CRX: variants seen among roughly 807,000 people sequenced by gnomAD.
CRX encodes the protein cone-rod homeobox.
CRX carries 5 observed loss-of-function variants against 13.1 expected under a neutral mutation model. The ratio of observed to expected loss-of-function variants is 0.38; its 90% CI spans 0.20 to 0.80. The LOEUF (loss-of-function observed/expected upper bound fraction) is 0.80, where lower values mean the gene tolerates loss of function less well. CRX is among the 30% of genes least tolerant of loss of function. The pLI, the probability that CRX is intolerant of heterozygous loss-of-function variation, is 0.43. For missense variants in CRX, 351 were observed against 391.8 expected (o/e 0.90, Z 0.88); for synonymous variants, 179 against 171.1 (o/e 1.05, Z -0.36).
chr19:47,835,224 A>AT (rs1390120456), intron 2 of CRX, among the ~76,000 whole-genome samples: 74 of 118,506 alleles, frequency 6.2e-4, no homozygotes, highest in Non-Finnish European at 8.3e-4. Context: ...AAAAATTATT[A>AT]TTATTTTTTT....
chr19:47,835,301 G>T (rs1170616968), intron 2 of CRX, among the ~76,000 whole-genome samples: 4 of 151,356 alleles, frequency 2.6e-5, no homozygotes, highest in African/African-American at 4.9e-5. Context: ...CAAATAATCC[G>T]CCTGACTCAG....
intron 1 of CRX, among the ~76,000 whole-genome samples, chr19:47,833,416 G>T (rs11880426): frequency 0.013 from 1,927 of 151,870 alleles, 48 homozygotes; most frequent in African/African-American, 0.044. Flanking sequence ...CAAGTAGCTG[G>T]GATTACAGGC....
chr19:47,836,452 C>T, intron 3 of CRX, 58 bp downstream of exon 3: 3 of 1,607,274 alleles, frequency 1.9e-6, no homozygotes, highest in Non-Finnish European at 1.7e-6. Flanking sequence ...AGGAGGCCTG[C>T]CCGGAACAAA....
intron 1 of CRX, among the ~76,000 whole-genome samples, chr19:47,829,234 G>A (rs538803214): frequency 5.3e-5 from 8 of 152,094 alleles, no homozygotes; most frequent in African/African-American, 1.7e-4. Flanking sequence ...TCCTGCCTCC[G>A]CTTCCCAAGT....
At chr19:47,834,378 G>A in intron 1 of CRX, 31 bp from the exon 2 acceptor site, 2 of 1,220,952 alleles carry the variant, frequency 1.6e-6, no homozygotes, top group South Asian at 2.4e-5. Flanking sequence ...TAACTGGTAA[G>A]TGAGTGAGCA....
rs754333326 is a variant in CRX at position 47,840,201 on chromosome 19, G to C, written c.*234G>C. On this transcript the variant is annotated 3_prime_UTR_variant, in exon 4 of 4. Coordinates refer to ENST00000221996, the MANE Select transcript of CRX (RefSeq NM_000554.6). ...TAGTGATTCTCTCAACCCTAACACCGTCTGGCACGATTGTGACCGCTGAAG... is the reference window on the plus strand; with the variant it reads ...TAGTGATTCTCTCAACCCTAACACCCTCTGGCACGATTGTGACCGCTGAAG... 12 of 547,418 alleles carry C rather than the reference G, an allele frequency of 2.2e-5. No individual in the cohort carries two copies. The highest frequency in any genetic ancestry group is 3.0e-5 in the Non-Finnish European group (9 of 304,386). 33.9% of individuals were successfully genotyped at this position (547,418 alleles called of 1,614,324 possible). A position where few individuals can be genotyped will look rare whatever the true frequency, so the allele number is the denominator to read the frequency against.
At chr19:47,825,020 G>A (rs1251662313) in intron 1 of CRX, among the ~76,000 whole-genome samples, 3 of 130,644 alleles carry the variant, frequency 2.3e-5, no homozygotes, top group Admixed American at 8.7e-5. Flanking sequence ...GGATGGAGTC[G>A]TGCTCTGTCG....
chr19:47,827,040 C>T (rs11665715), intron 1 of CRX, among the ~76,000 whole-genome samples: 31,640 of 152,060 alleles, frequency 0.21, 3,430 homozygotes, highest in Admixed American at 0.22. Context: ...TTAGAGCTAG[C>T]CTTGGAAGCC....
rs1481802456 is a variant in CRX at position 47,839,794 on chromosome 19, G to A, written c.727G>A (p.Gly243Arg). ...TAGCCCCCTCTCTGGCCCCTCCGTGGGACCTTCCCTGGCCCAGTCCCCCAC... is the reference window on the plus strand; with the variant it reads ...TAGCCCCCTCTCTGGCCCCTCCGTGAGACCTTCCCTGGCCCAGTCCCCCAC... ...ALSPLSGPSV[G>R]PSLAQSPTSL... Residue 243 changes from glycine to arginine, a missense_variant, in exon 4 of 4, where the codon GGA (glycine) becomes AGA (arginine). Gly to Arg is a moderately radical substitution (Grantham distance 125). Around this residue, in one of 3 missense-constraint regions of CRX, gnomAD observed 253 missense variants for 268.3 expected, o/e 0.94. Coordinates refer to ENST00000221996, the MANE Select transcript of CRX (RefSeq NM_000554.6). The surrounding 1 kb of genome is among the most constrained non-coding windows in gnomAD (Gnocchi z 4.6). The A allele has an allele frequency of 6.2e-7, 1 of 1,614,052 alleles. No homozygotes were observed. Among genetic ancestry groups the A allele is most frequent in the Admixed American group, 1.7e-5 (1 of 60,004 alleles).
intron 1 of CRX, among the ~76,000 whole-genome samples, chr19:47,825,852 G>A (rs547761880): frequency 6.6e-6 from 1 of 152,162 alleles, no homozygotes; most frequent in Non-Finnish European, 1.5e-5. Context: ...AATCCGGGAG[G>A]TGGAGGTTGC....
intron 3 of CRX, 22 bp downstream of exon 3, chr19:47,836,416 C>T: frequency 6.2e-7 from 1 of 1,614,132 alleles, no homozygotes; most frequent in Non-Finnish European, 8.5e-7. Flanking sequence ...GGTCCCTGGA[C>T]CCCTCCCGAC....
chr19:47,822,339 A>G (rs1242104302), intron 1 of CRX, among the ~76,000 whole-genome samples: 1 of 152,144 alleles, frequency 6.6e-6, no homozygotes, highest in Non-Finnish European at 1.5e-5. Context: ...GTTCTAAGGC[A>G]ACTCCTCAGC....
chr19:47,840,270 G>A lies in CRX; in HGVS notation c.*303G>A, dbSNP rs1968178401. On this transcript the variant is annotated 3_prime_UTR_variant, in exon 4 of 4. Coordinates refer to ENST00000221996, the MANE Select transcript of CRX (RefSeq NM_000554.6). ...CTTCAGAAAGTGGTGCTGAGAACTTGCTCCAAGAAGAAGTCAAACCAAACT... is the reference window on the plus strand; with the variant it reads ...CTTCAGAAAGTGGTGCTGAGAACTTACTCCAAGAAGAAGTCAAACCAAACT... 2 of 384,844 alleles carry A rather than the reference G, an allele frequency of 5.2e-6. No homozygotes were observed. Among genetic ancestry groups the A allele is most frequent in the East Asian group, 5.0e-5 (1 of 20,138 alleles). 23.8% of individuals were successfully genotyped at this position (384,844 alleles called of 1,614,324 possible).
chr19:47,838,590 C>T (rs1201509585), intron 3 of CRX, among the ~76,000 whole-genome samples: 3 of 151,992 alleles, frequency 2.0e-5, no homozygotes, highest in Non-Finnish European at 4.4e-5. Context: ...CATGTATGAT[C>T]AGATGAGCCA....
intron 1 of CRX, among the ~76,000 whole-genome samples, chr19:47,826,662 A>G (rs2123731085): frequency 6.6e-6 from 1 of 152,316 alleles, no homozygotes; most frequent in East Asian, 1.9e-4. Flanking sequence ...TCTACCTCCC[A>G]AGGTTGTGCT....
intron 1 of CRX, among the ~76,000 whole-genome samples, chr19:47,826,126 G>T (rs1292570675): frequency 6.6e-6 from 1 of 152,138 alleles, no homozygotes; most frequent in Non-Finnish European, 1.5e-5. Context: ...CCACTCTCTG[G>T]AGGTTCATAT....
intron 3 of CRX, among the ~76,000 whole-genome samples, chr19:47,837,609 T>C (rs914594685): frequency 1.3e-5 from 2 of 150,782 alleles, no homozygotes; most frequent in Non-Finnish European, 3.0e-5. Context: ...GTGTGTATGA[T>C]GTATGGGTGT....
At chr19:47,822,305 CG>C (rs1185605682) in intron 1 of CRX, among the ~76,000 whole-genome samples, 7 of 152,100 alleles carry the variant, frequency 4.6e-5, no homozygotes, top group Non-Finnish European at 1.0e-4. Flanking sequence ...TGACGGCATC[CG>C]GGGTTGGGGG....
At chr19:47,831,483 G>C (rs753842126) in intron 1 of CRX, among the ~76,000 whole-genome samples, 17 of 152,070 alleles carry the variant, frequency 1.1e-4, no homozygotes, top group Non-Finnish European at 2.2e-4. Context: ...ACTCTCACAG[G>C]AACGTGAACC....
Sources: gnomAD v4.1 joint callset for allele counts (sites outside exome capture counted in the v4.1 genomes callset) on GRCh38, gnomAD v4.1.1 for gene constraint, gnomAD v4.1.1 regional missense constraint, Gnocchi (gnomAD v3.1) non-coding constraint, MANE v1.5 for transcripts, NCBI Gene and HGNC (gene_info 2026-07-23, HGNC 2026-07-21) for gene names.